Variants in FHIT observed in about 807,000 individuals in gnomAD.
The protein encoded by FHIT is bis(5'-adenosyl)-triphosphatase.
In FHIT, 19 loss-of-function variants were observed where a neutral mutation model predicts 17.9. The observed-to-expected ratio is 1.06, with a 90% CI of 0.74 to 1.56. The LOEUF (loss-of-function observed/expected upper bound fraction) is 1.56. Among genes scored for constraint, FHIT ranks in the 40% most tolerant of loss-of-function variants. The probability of loss-of-function intolerance (pLI) is 0.00; values close to 1 mark genes in which losing one functional copy is unlikely to be tolerated. For missense variants in FHIT, 248 were observed against 189.2 expected, an observed-to-expected ratio of 1.31 and a Z score of -1.82; for synonymous variants, 81 against 69.7, an observed-to-expected ratio of 1.16 and a Z score of -0.81.
chr3:60,743,947 T>C (rs1012756104), intron 4 of FHIT, among the ~76,000 whole-genome samples: 16 of 152,146 alleles, frequency 1.1e-4, no homozygotes, highest in Non-Finnish European at 2.2e-4. Flanking sequence ...AGTTAATTAT[T>C]TGGAGCTCCC....
chr3:60,837,555 T>C (rs1553744081), intron 3 of FHIT, among the ~76,000 whole-genome samples: 1 of 152,186 alleles, frequency 6.6e-6, no homozygotes, highest in Non-Finnish European at 1.5e-5. Flanking sequence ...ACAATTCTGC[T>C]AATCTCTTCC....
At chr3:60,489,627 C>G (rs2033981233) in intron 5 of FHIT, among the ~76,000 whole-genome samples, 2 of 152,206 alleles carry the variant, frequency 1.3e-5, no homozygotes, top group African/African-American at 4.8e-5. Context: ...ATAAGAACAT[C>G]TGCCTGCTTT....
At chr3:60,317,177 T>C (rs1393983283) in intron 5 of FHIT, among the ~76,000 whole-genome samples, 1 of 145,646 alleles carries the variant, frequency 6.9e-6, no homozygotes, top group Non-Finnish European at 1.5e-5. Context: ...TTCAAATGGC[T>C]TATATTAGTT....
At chr3:60,074,383 C>T (rs1011108117) in intron 5 of FHIT, among the ~76,000 whole-genome samples, 32 of 152,168 alleles carry the variant, frequency 2.1e-4, no homozygotes, top group African/African-American at 7.7e-4. Context: ...TCTCCCATGC[C>T]ACTTCTCTAA....
intron 5 of FHIT, among the ~76,000 whole-genome samples, chr3:60,401,710 C>T (rs1701663402): frequency 6.6e-6 from 1 of 152,186 alleles, no homozygotes; most frequent in South Asian, 2.1e-4. Context: ...ATTATACAAT[C>T]TGTTTCCTCC....
At chr3:60,013,453 A>T (rs1314649927) in intron 6 of FHIT, among the ~76,000 whole-genome samples, 3 of 152,176 alleles carry the variant, frequency 2.0e-5, no homozygotes, top group Admixed American at 1.3e-4. Flanking sequence ...CCTTCTCCCA[A>T]CCTGACAACT....
intron 1 of FHIT, among the ~76,000 whole-genome samples, chr3:61,237,435 C>A (rs2040259698): frequency 6.6e-6 from 1 of 152,100 alleles, no homozygotes; most frequent in African/African-American, 2.4e-5. Flanking sequence ...TGTGCTGAAT[C>A]CTGGGTTGTT....
At chr3:60,109,285 G>A (rs1389633530) in intron 5 of FHIT, among the ~76,000 whole-genome samples, 1 of 152,160 alleles carries the variant, frequency 6.6e-6, no homozygotes, top group African/African-American at 2.4e-5. Flanking sequence ...TTCAGTTAAT[G>A]TCATTCACAC....
At chr3:60,998,585 A>T (rs1475790627) in intron 3 of FHIT, among the ~76,000 whole-genome samples, 2 of 152,118 alleles carry the variant, frequency 1.3e-5, no homozygotes, top group African/African-American at 2.4e-5. Context: ...GAAATATGAG[A>T]ATTCATCTGG....
intron 7 of FHIT, among the ~76,000 whole-genome samples, chr3:59,993,492 G>A (rs924032254): frequency 6.6e-6 from 1 of 151,896 alleles, no homozygotes; most frequent in Non-Finnish European, 1.5e-5. Flanking sequence ...GAGAATTTAC[G>A]AAACCTCAAA....
At chr3:59,828,709 G>A (rs1325809695) in intron 8 of FHIT, among the ~76,000 whole-genome samples, 1 of 152,144 alleles carries the variant, frequency 6.6e-6, no homozygotes, top group East Asian at 1.9e-4. Flanking sequence ...CATATCTTTG[G>A]TTAAGGCAGA....
intron 8 of FHIT, among the ~76,000 whole-genome samples, chr3:59,844,713 T>G (rs1701655282): frequency 6.6e-6 from 1 of 152,158 alleles, no homozygotes; most frequent in Non-Finnish European, 1.5e-5. Flanking sequence ...ACCGGTGAGT[T>G]TGGTTTGCTA....
intron 3 of FHIT, among the ~76,000 whole-genome samples, chr3:60,834,718 AG>A (rs1553743448): frequency 6.6e-6 from 1 of 151,932 alleles, no homozygotes; most frequent in Non-Finnish European, 1.5e-5. Flanking sequence ...TACAAAACTT[AG>A]CCAGCCACAG....
chr3:60,307,809 C>A (rs1708750442), intron 5 of FHIT, among the ~76,000 whole-genome samples: 1 of 151,844 alleles, frequency 6.6e-6, no homozygotes, highest in Non-Finnish European at 1.5e-5. Flanking sequence ...GCTGTCTGTG[C>A]CCAGACCCTC....
chr3:60,892,232 TA>T (rs1705552840), intron 3 of FHIT, among the ~76,000 whole-genome samples: 3 of 152,210 alleles, frequency 2.0e-5, no homozygotes, highest in African/African-American at 7.2e-5. Context: ...TTTGAAATAA[TA>T]GCAATAGTAG....
At chr3:59,839,560 C>A (rs1377815868) in intron 8 of FHIT, among the ~76,000 whole-genome samples, 2 of 152,110 alleles carry the variant, frequency 1.3e-5, no homozygotes, top group African/African-American at 2.4e-5. Context: ...TTACTGCCCA[C>A]CGGTTCCTCC....
Position 61,193,232 on chromosome 3 carries a change from G to C in FHIT, c.-164+7385C>G, listed in dbSNP as rs572638622. On this transcript the variant is annotated intron_variant, in intron 2 of 9. Coordinates refer to ENST00000492590, the MANE Select transcript of FHIT (RefSeq NM_002012.4). ...TAGGTGGGCACTTGGAGTACAGTAA[G>C]GATTGGGCTTTCCTGGTATTGGAGA... is the stretch of plus-strand genomic sequence containing the variant. Among the ~76,000 whole-genome samples, 3 of 152,214 alleles carry C rather than the reference G, an allele frequency of 2.0e-5. No individual in the cohort carries two copies. In the South Asian group the frequency reaches 6.2e-4, roughly 32 times the overall value.
chr3:61,180,312 C>T (rs2107167571), intron 2 of FHIT, among the ~76,000 whole-genome samples: 1 of 152,292 alleles, frequency 6.6e-6, no homozygotes, highest in South Asian at 2.1e-4. Context: ...GGTGAACTTT[C>T]ATAATAACAG....
At chr3:60,744,268 CAA>C (rs374691493) in intron 4 of FHIT, among the ~76,000 whole-genome samples, 4,365 of 79,994 alleles carry the variant, frequency 0.055, 326 homozygotes, top group African/African-American at 0.17. Context: ...CAAAACAAAA[CAA>C]AAAAAAAAAA....
Sources: allele counts gnomAD v4.1 joint callset (sites outside exome capture counted in the v4.1 genomes callset), GRCh38; gene constraint gnomAD v4.1.1; transcripts MANE v1.5; gene names NCBI Gene and HGNC (gene_info 2026-07-23, HGNC 2026-07-21).